The following CD99 variants were observed in gnomAD, a reference collection of about 807,000 sequenced individuals.
CD99 encodes the protein CD99 antigen.
CD99 carries 19 observed loss-of-function variants against 28.4 expected under a neutral mutation model. The observed-to-expected ratio is 0.67, with a 90% CI of 0.47 to 0.98. The LOEUF is 0.98. CD99 is among the 50% of genes least tolerant of loss of function. The pLI is 0.00. For synonymous variants in CD99, 103 were observed against 92.1 expected (o/e 1.12, Z -0.67); for missense variants, 283 against 248.8 (o/e 1.14, Z -0.92).
rs1279520469 is a variant in CD99 at position 2,722,655 on chromosome X, T to C, written c.291T>C (p.Asp97=). 1 of 1,613,888 alleles carries C rather than the reference T, an allele frequency of 6.2e-7. No individual in the cohort carries two copies. Among genetic ancestry groups the C allele is most frequent in the Admixed American group, 1.7e-5 (1 of 59,994 alleles). The change falls in exon 6 of 10, where the codon GAT becomes GAC. Residue 97 remains aspartate (D), a synonymous_variant. Transcript: ENST00000381192. ...GCTTTTCAGATGCTGACCTTGCGGA[T>C]GGCGTTTCAGGTGGAGAAGGTACAG... ...SGSFSDADLA[D]GVSGGEGKGG... is the part of the protein sequence containing the mutation.
rs895968019 is a variant in CD99, at chrX:2,741,157, C to T, written c.*353C>T. The T allele has an allele frequency of 5.6e-5, 18 of 320,220 alleles. No homozygotes were observed. The highest frequency in any genetic ancestry group is 9.1e-5 in the Admixed American group (2 of 21,960). 19.8% of individuals were successfully genotyped at this position (320,220 alleles called of 1,614,324 possible). ...CAGAATCTTGGCTGTTTACAAATCA[C>T]GTGTCCATCGAGCACGTCTGAAACC... On this transcript the variant is annotated 3_prime_UTR_variant, in exon 10 of 10. Transcript: ENST00000381192.
At chrX:2,727,875 G>A (rs2049376575) in intron 8 of CD99, among the ~76,000 whole-genome samples, 1 of 152,086 alleles carries the variant, frequency 6.6e-6, no homozygotes, top group African/African-American at 2.4e-5. Flanking sequence ...ATTCATTCTT[G>A]GTCACTGATG....
rs1413204151 is a variant in CD99, at chrX:2,719,658, T to C, written c.149-3T>C. 10 of 1,613,322 alleles carry C rather than the reference T, an allele frequency of 6.2e-6. No homozygotes were observed. Among genetic ancestry groups the C allele is most frequent in the South Asian group, 2.2e-5 (2 of 91,072 alleles). ...GTATTAACTGCTCTTTCCCCTCTTT[T>C]AGGGGATGACTTTGACTTAGGAGAT... On this transcript the variant is annotated splice_region_variant and splice_polypyrimidine_tract_variant and intron_variant, in intron 3 of 9. Transcript: ENST00000381192.
rs890875700 is a variant in CD99, at chrX:2,695,228, T to C, written c.67+3801T>C. 4.3e-4 allele frequency among the ~76,000 whole-genome samples: 66 copies of C among 151,832 alleles called. 1 individual carries two copies. The highest frequency in any genetic ancestry group is 7.4e-5 in the Non-Finnish European group (5 of 67,950). Reference sequence around the variant, plus strand: ...GAGGAAAAGTCTTTTTTTTTTGAGATGGAATTTTCCTCTGTTGTCCAGGCT... The same window carrying C: ...GAGGAAAAGTCTTTTTTTTTTGAGACGGAATTTTCCTCTGTTGTCCAGGCT... On this transcript the variant is annotated intron_variant, in intron 1 of 9. Transcript: ENST00000381192.
In CD99 at chrX:2,700,462, GTCCA is replaced by G. The variant is rs994465390; in HGVS notation, c.67+9050_67+9053del. On this transcript the variant is annotated intron_variant, in intron 1 of 9. Transcript: ENST00000381192. ...CATTCATTTACCCATCCATCCGTTCGTCCATCCATCCATCCATCAACCCATCCTC... is the reference window on the plus strand; with the variant it reads ...CATTCATTTACCCATCCATCCGTTCGTCCATCCATCCATCAACCCATCCTC... Among the ~76,000 whole-genome samples the G allele has an allele frequency of 1.3e-3, 187 of 147,646 alleles. 2 individuals are homozygous for G. The highest frequency in any genetic ancestry group is 2.0e-3 in the South Asian group (9 of 4,554).
chrX:2,691,937 A>G, intron 1 of CD99: 1 of 778,986 alleles, frequency 1.3e-6, no homozygotes, highest in Non-Finnish European at 2.4e-6. Flanking sequence ...GTTAGAAAAA[A>G]ACTTTGAGCC....
At chrX:2,722,760 G>A in intron 6 of CD99, 86 bp downstream of exon 6, 1 of 1,309,304 alleles carries the variant, frequency 7.6e-7, no homozygotes. Context: ...GGTCTAAACT[G>A]TCAGCTCTCT....
At position 2,720,402 on chromosome X, in the gene CD99, C is replaced by A. The variant is rs1320193142; in HGVS notation, c.240C>A (p.Asn80Lys). 1 of 1,613,852 alleles carries A rather than the reference C, an allele frequency of 6.2e-7. No individual in the cohort carries two copies. The highest frequency in any genetic ancestry group is 1.1e-5 in the South Asian group (1 of 91,068). Reference protein sequence around the residue: ...PNPPKPMPNPNPNHPSSSGSF... With the variant: ...PNPPKPMPNPKPNHPSSSGSF... Reference sequence around the variant, plus strand: ...CACCCAAACCGATGCCAAATCCAAACCCCAACCACCCTAGTTCCTCCGGTA... The same window carrying A: ...CACCCAAACCGATGCCAAATCCAAAACCCAACCACCCTAGTTCCTCCGGTA... Residue 80 changes from asparagine to lysine, a missense_variant, in exon 5 of 10, where the codon AAC (asparagine) becomes AAA (lysine). Transcript: ENST00000381192.
intron 9 of CD99, 159 bp from the exon 10 acceptor site, chrX:2,740,620 A>C (rs1467512632): frequency 5.5e-6 from 1 of 181,424 alleles, no homozygotes; most frequent in African/African-American, 2.4e-5. Context: ...AATTGATTGA[A>C]TTGATTGAGA....
chrX:2,731,970 T>TA (rs113396691), intron 8 of CD99, among the ~76,000 whole-genome samples: 45,475 of 147,610 alleles, frequency 0.31, 7,524 homozygotes, highest in Middle Eastern at 0.4. Context: ...ACAAAAAACG[T>TA]AAAAAAAAAA....
chrX:2,699,830 C>T (rs182727873), intron 1 of CD99, among the ~76,000 whole-genome samples: 3 of 152,336 alleles, frequency 2.0e-5, no homozygotes, highest in Admixed American at 2.0e-4. Context: ...TGTTATTTTA[C>T]TAGATATTCT....
At chrX:2,733,835 T>G (rs2049800651) in intron 8 of CD99, among the ~76,000 whole-genome samples, 1 of 152,230 alleles carries the variant, frequency 6.6e-6, no homozygotes, top group Non-Finnish European at 1.5e-5. Flanking sequence ...TTTTTAAATC[T>G]TCAACGTTTT....
chrX:2,718,888 TCAG>T (rs2048867721), intron 3 of CD99, among the ~76,000 whole-genome samples: 1 of 152,182 alleles, frequency 6.6e-6, no homozygotes, highest in Non-Finnish European at 1.5e-5. Flanking sequence ...GTCTAGAGTG[TCAG>T]CTCATGAGCA....
At chrX:2,731,544 G>A (rs1188265056) in intron 8 of CD99, among the ~76,000 whole-genome samples, 3 of 152,084 alleles carry the variant, frequency 2.0e-5, no homozygotes, top group Non-Finnish European at 2.9e-5. Context: ...AGCCGAGATC[G>A]AGCCACTGCA....
intron 1 of CD99, among the ~76,000 whole-genome samples, chrX:2,712,232 G>GGGGGAAATGGGGAAATGAT (rs1178458929): frequency 6.6e-6 from 1 of 152,000 alleles, no homozygotes; most frequent in Non-Finnish European, 1.5e-5. Flanking sequence ...AGTGAGGGGT[G>GGGGGAAATGGGGAAATGAT]GGGGAAATGG....
intron 1 of CD99, among the ~76,000 whole-genome samples, chrX:2,697,354 T>C (rs2047625708): frequency 6.6e-6 from 1 of 152,200 alleles, no homozygotes. Context: ...GTAAAGCTGT[T>C]GCTCCAAAGC....
In CD99 at chrX:2,727,638, G is replaced by A. The variant is rs113509590; in HGVS notation, c.475+1265G>A. On this transcript the variant is annotated intron_variant, in intron 8 of 9. Transcript: ENST00000381192. The stretch of plus-strand genomic sequence containing the variant: ...ATTATAGGCACCCGCCACCACGCCC[G>A]GCTAATTTCTGTATTTTTAGTAGAG... 1.8e-4 allele frequency among the ~76,000 whole-genome samples: 28 copies of A among 152,020 alleles called. 1 individual carries two copies. In the South Asian group the frequency reaches 5.6e-3, roughly 31 times the overall value.
intron 1 of CD99, among the ~76,000 whole-genome samples, chrX:2,708,647 C>T (rs763150740): frequency 3.9e-5 from 6 of 152,150 alleles, no homozygotes; most frequent in South Asian, 4.2e-4. Context: ...GGGGCTGAGG[C>T]GAGTTCTCCA....
At chrX:2,737,099 G>A (rs1205362898) in intron 8 of CD99, among the ~76,000 whole-genome samples, 1 of 152,080 alleles carries the variant, frequency 6.6e-6, no homozygotes, top group Non-Finnish European at 1.5e-5. Context: ...ATTGGTGGAG[G>A]TGGGTAAAGG....
Sources: gnomAD v4.1 joint callset for allele counts (sites outside exome capture counted in the v4.1 genomes callset) on GRCh38, gnomAD v4.1.1 for gene constraint, MANE v1.5 for transcripts, NCBI Gene and HGNC (gene_info 2026-07-23, HGNC 2026-07-21) for gene names.